Variants in ZNF652 observed in about 807,000 individuals in gnomAD.
ZNF652 encodes the protein zinc finger protein 652.
A neutral mutation model predicts 45.2 loss-of-function variants in ZNF652; 16 were observed. That is an observed-to-expected ratio of 0.35 (90% CI 0.24 to 0.54). ZNF652 has a LOEUF of 0.54. Ranked by LOEUF, ZNF652 falls within the 20% of genes least tolerant of loss-of-function variation. ZNF652 has a pLI of 0.91. For missense variants in ZNF652, 614 were observed against 765.6 expected, an observed-to-expected ratio of 0.80 and a Z score of 2.34; for synonymous variants, 250 against 260.6, an observed-to-expected ratio of 0.96 and a Z score of 0.39.
At chr17:49,349,713 T>C (rs552852586) in intron 1 of ZNF652, among the ~76,000 whole-genome samples, 1 of 152,192 alleles carries the variant, frequency 6.6e-6, no homozygotes, top group South Asian at 2.1e-4. Context: ...TAGGGGCTTA[T>C]AACTATACTG....
intron 1 of ZNF652, among the ~76,000 whole-genome samples, chr17:49,318,923 T>C (rs1455362937): frequency 6.6e-6 from 1 of 152,198 alleles, no homozygotes; most frequent in African/African-American, 2.4e-5. Context: ...ATTGGAGTAA[T>C]TTCAAAGTTG....
chr17:49,327,719 T>TTAAA (rs764882947), intron 1 of ZNF652, among the ~76,000 whole-genome samples: 19 of 106,466 alleles, frequency 1.8e-4, no homozygotes, highest in Admixed American at 6.7e-4. Flanking sequence ...GTGTCTACTT[T>TTAAA]TAAATAAATA....
Position 49,311,320 on chromosome 17 carries a change from G to A in ZNF652, c.1301C>T (p.Thr434Ile), listed in dbSNP as rs1308398910. 3.7e-6 allele frequency: 6 copies of A among 1,613,898 alleles called. No individual in the cohort carries two copies. The highest frequency in any genetic ancestry group is 4.2e-6 in the Non-Finnish European group (5 of 1,179,956). ...TCCCAAGAAATTCTTACCAGTGTGT[G>A]TTTTCATGTGTTCGTCGAAGTACTG... The part of the protein sequence containing the change: ...MKQYFDEHMK[T>I]HTGEKPFICE... The change falls in exon 5 of 6, where the codon ACA becomes ATA. Residue 434 changes from threonine to isoleucine, a missense_variant. By Grantham distance (89) the Thr-to-Ile change is moderately conservative. This residue lies in a region of ZNF652 where 81 missense variants were observed against 167.0 expected (regional missense o/e 0.48). Transcript: ENST00000430262.
chr17:49,327,784 T>A (rs1282777335), intron 1 of ZNF652, among the ~76,000 whole-genome samples: 7 of 23,776 alleles, frequency 2.9e-4, no homozygotes, highest in African/African-American at 1.2e-3. Context: ...TATATATTTT[T>A]TTTTTTTTTT....
rs764171218 is a variant in ZNF652, at chr17:49,312,704, T to C, written c.1042A>G (p.Met348Val). 9 of 1,612,962 alleles carry C rather than the reference T, an allele frequency of 5.6e-6. No homozygotes were observed. Among genetic ancestry groups the C allele is most frequent in the Admixed American group, 1.7e-5 (1 of 59,708 alleles). Residue 348 changes from methionine to valine, a missense_variant, in exon 3 of 6, where the codon ATG becomes GTG. Met to Val is a conservative substitution (Grantham distance 21). Around this residue, in one of 5 missense-constraint regions of ZNF652, gnomAD observed 262 missense variants for 306.3 expected, o/e 0.86. Transcript: ENST00000430262. ...GAAAAGCAGAAAAACTTACCAACCA[T>C]GTGTTTCCGCACATGAGCCATGGTA... ...FYTMAHVRKHMVAHTKDMPFT... is the reference protein window; with the variant it reads ...FYTMAHVRKHVVAHTKDMPFT...
intron 4 of ZNF652, 124 bp downstream of exon 4, chr17:49,311,801 CAT>C (rs925162355): frequency 1.3e-4 from 97 of 744,814 alleles, no homozygotes; most frequent in South Asian, 8.2e-4. Context: ...GCTCAGAACA[CAT>C]GTCTGAAAGT....
intron 5 of ZNF652, 106 bp downstream of exon 5, chr17:49,311,206 C>A: frequency 8.0e-7 from 1 of 1,245,454 alleles, no homozygotes; most frequent in Non-Finnish European, 1.1e-6. Context: ...GGGATTTTTG[C>A]TTTGAATGCA....
chr17:49,310,131 T>C (rs1179791070), intron 5 of ZNF652, among the ~76,000 whole-genome samples: 2 of 152,108 alleles, frequency 1.3e-5, no homozygotes, highest in Non-Finnish European at 2.9e-5. Flanking sequence ...TTTTTTGTAT[T>C]TTTAGTAGAG....
intron 1 of ZNF652, among the ~76,000 whole-genome samples, chr17:49,349,488 T>C (rs2070247562): frequency 6.6e-6 from 1 of 152,184 alleles, no homozygotes; most frequent in East Asian, 1.9e-4. Flanking sequence ...CATTGGTAAG[T>C]GTAGAGTGAA....
At chr17:49,319,589 C>T (rs1294857194) in intron 1 of ZNF652, among the ~76,000 whole-genome samples, 2 of 146,196 alleles carry the variant, frequency 1.4e-5, no homozygotes, top group Admixed American at 7.0e-5. Flanking sequence ...GCTGAGATCG[C>T]GCCACTGCAC....
At position 49,362,051 on chromosome 17, in the gene ZNF652, G is replaced by C. The variant is rs1247332045; in HGVS notation, c.-401C>G. 2 of 149,288 alleles carry C rather than the reference G, an allele frequency of 1.3e-5. No homozygotes were observed. Among genetic ancestry groups the C allele is most frequent in the African/African-American group, 4.9e-5 (2 of 40,996 alleles). 9.2% of individuals were successfully genotyped at this position (149,288 alleles called of 1,614,324 possible). On this transcript the variant is annotated 5_prime_UTR_variant, in exon 1 of 6. Transcript: ENST00000430262. ...CCCCCTGCCCAACGTCTGTCCTCAG[G>C]GCCGCTCCTCAGACCCGGCCTCGGC... is the stretch of plus-strand genomic sequence containing the variant.
At chr17:49,322,497 G>A (rs535489822) in intron 1 of ZNF652, 8 of 152,272 alleles carry the variant, frequency 5.3e-5, no homozygotes, top group South Asian at 4.1e-4. Context: ...TTGCCGGTTC[G>A]GCTCCAGACC....
rs187648341 is a variant in ZNF652, at chr17:49,301,594, G to A, written c.1310-2670C>T. 6.0e-4 allele frequency among the ~76,000 whole-genome samples: 89 copies of A among 149,008 alleles called. No individual in the cohort carries two copies. In the East Asian group the frequency reaches 0.016, roughly 27 times the overall value. On this transcript the variant is annotated intron_variant, in intron 5 of 5. Transcript: ENST00000430262. Reference sequence around the variant, plus strand: ...ATTACAGGTGTGAGCCACCACACCCGGCCCTCTTTACACTTTTCATTCTTC... The same window carrying A: ...ATTACAGGTGTGAGCCACCACACCCAGCCCTCTTTACACTTTTCATTCTTC...
At chr17:49,351,030 C>CGT (rs1567700369) in intron 1 of ZNF652, among the ~76,000 whole-genome samples, 2 of 109,274 alleles carry the variant, frequency 1.8e-5, no homozygotes, top group African/African-American at 8.3e-5. Context: ...CACACACACA[C>CGT]ACACACACAC....
chr17:49,341,576 ATC>A (rs529372074), intron 1 of ZNF652, among the ~76,000 whole-genome samples: 179 of 151,708 alleles, frequency 1.2e-3, no homozygotes, highest in African/African-American at 4.2e-3. Context: ...AGAAGGAAGG[ATC>A]GCTTGAGCCA....
At chr17:49,313,973 C>CAAAAAAAAAAAAAAAAAAAAAAA (rs71144595) in intron 2 of ZNF652, among the ~76,000 whole-genome samples, 2 of 22,872 alleles carry the variant, frequency 8.7e-5, no homozygotes, top group Non-Finnish European at 1.5e-4. Context: ...AACTCCATCT[C>CAAAAAAAAAAAAAAAAAAAAAAA]AAAAAAAAAA....
Position 49,317,066 on chromosome 17 carries a change from A to T in ZNF652, c.660T>A (p.Pro220=). 6.2e-7 allele frequency: 1 copy of T among 1,614,142 alleles called. No individual in the cohort carries two copies. Among genetic ancestry groups the T allele is most frequent in the Non-Finnish European group, 8.5e-7 (1 of 1,180,042 alleles). Residue 220 remains proline, a synonymous_variant, in exon 2 of 6, where the codon CCT becomes CCA. Transcript: ENST00000430262. ...TRGRRKSVEP[P]KRKKRATKEP... ...CCTTTGTGGCCCGCTTCTTACGCTT[A>T]GGTGGCTCTACACTCTTCCTACGAC...
At chr17:49,299,629 C>A (rs1434462385) in intron 5 of ZNF652, among the ~76,000 whole-genome samples, 1 of 151,740 alleles carries the variant, frequency 6.6e-6, no homozygotes, top group East Asian at 1.9e-4. Context: ...GATCTACCCA[C>A]CTCGGCCTCT....
intron 1 of ZNF652, among the ~76,000 whole-genome samples, chr17:49,360,750 G>GAA (rs920310921): frequency 1.4e-5 from 2 of 147,808 alleles, no homozygotes; most frequent in African/African-American, 5.0e-5. Flanking sequence ...CCATCCTCTG[G>GAA]AAAAAAAAAA....
Sources: allele counts gnomAD v4.1 joint callset (sites outside exome capture counted in the v4.1 genomes callset), GRCh38; gene constraint gnomAD v4.1.1; regional missense constraint gnomAD v4.1.1; transcripts MANE v1.5; gene names NCBI Gene and HGNC (gene_info 2026-07-23, HGNC 2026-07-21).